STX8: variants seen among roughly 807,000 people sequenced by gnomAD.
The protein encoded by STX8 is syntaxin 8, also known as syntaxin-8.
A neutral mutation model predicts 37.5 loss-of-function variants in STX8; 23 were observed. The observed-to-expected ratio is 0.61, with a 90% CI of 0.44 to 0.87. The LOEUF (loss-of-function observed/expected upper bound fraction) is 0.87. Ranked by LOEUF, STX8 falls within the 40% of genes least tolerant of loss-of-function variation. The pLI, the probability that STX8 is intolerant of heterozygous loss-of-function variation, is 0.00. For missense variants in STX8, 313 were observed against 284.7 expected (o/e 1.10, Z -0.71); for synonymous variants, 115 against 99.1 (o/e 1.16, Z -0.95).
At chr17:9,527,534 G>A (rs1890369271) in intron 4 of STX8, among the ~76,000 whole-genome samples, 1 of 152,164 alleles carries the variant, frequency 6.6e-6, no homozygotes, top group Non-Finnish European at 1.5e-5. Context: ...TCAGAAACTG[G>A]AGTTTTCCTT....
At chr17:9,449,579 A>G (rs1296201771) in intron 6 of STX8, among the ~76,000 whole-genome samples, 1 of 152,036 alleles carries the variant, frequency 6.6e-6, no homozygotes, top group Admixed American at 6.5e-5. Flanking sequence ...ATAAACAAAC[A>G]AACAAATTGT....
At chr17:9,278,212 C>T (rs1907743948) in intron 7 of STX8, among the ~76,000 whole-genome samples, 2 of 152,128 alleles carry the variant, frequency 1.3e-5, no homozygotes, top group South Asian at 4.1e-4. Flanking sequence ...CTTTGGGAGG[C>T]CGAGGCAGGT....
intron 6 of STX8, among the ~76,000 whole-genome samples, chr17:9,389,463 A>G (rs967668794): frequency 1.3e-5 from 2 of 152,250 alleles, no homozygotes; most frequent in Non-Finnish European, 2.9e-5. Context: ...TGAGATATCG[A>G]GTGACATTCC....
At chr17:9,318,889 T>C (rs187726607) in intron 7 of STX8, among the ~76,000 whole-genome samples, 1 of 151,984 alleles carries the variant, frequency 6.6e-6, no homozygotes, top group Non-Finnish European at 1.5e-5. Context: ...AGGATAACAA[T>C]GAATAGAAAT....
At chr17:9,321,718 C>A (rs1054322827) in intron 7 of STX8, among the ~76,000 whole-genome samples, 8 of 152,072 alleles carry the variant, frequency 5.3e-5, no homozygotes, top group African/African-American at 1.7e-4. Flanking sequence ...CGGGGTTTCA[C>A]CATGTTGGCC....
intron 6 of STX8, among the ~76,000 whole-genome samples, chr17:9,455,368 C>T (rs1270972213): frequency 6.6e-6 from 1 of 151,990 alleles, no homozygotes; most frequent in African/African-American, 2.4e-5. Flanking sequence ...GGCATGGTGG[C>T]ACGCGCCTGT....
intron 1 of STX8, among the ~76,000 whole-genome samples, chr17:9,571,489 G>A (rs1306273941): frequency 6.7e-6 from 1 of 150,304 alleles, no homozygotes; most frequent in African/African-American, 2.4e-5. Context: ...TAATTGGGTC[G>A]GGGGGTGGCT....
chr17:9,315,182 A>C (rs1283874761), intron 7 of STX8, among the ~76,000 whole-genome samples: 1 of 151,968 alleles, frequency 6.6e-6, no homozygotes, highest in Non-Finnish European at 1.5e-5. Context: ...AAACAAAAAA[A>C]ACCTGAGTTC....
At chr17:9,445,876 CT>C (rs1328889543) in intron 6 of STX8, among the ~76,000 whole-genome samples, 6 of 129,522 alleles carry the variant, frequency 4.6e-5, no homozygotes, top group Non-Finnish European at 7.7e-5. Flanking sequence ...CTTGCTCTGT[CT>C]CCCAGGCTGG....
intron 6 of STX8, among the ~76,000 whole-genome samples, chr17:9,380,254 GTTTTTTTT>G (rs34806016): frequency 2.2e-5 from 2 of 89,446 alleles, no homozygotes; most frequent in African/African-American, 4.8e-5. Context: ...ATTTCTGTGT[GTTTTTTTT>G]TTTTTTTTTT....
intron 6 of STX8, among the ~76,000 whole-genome samples, chr17:9,395,850 TCCCAGATGA>T (rs1912382659): frequency 6.6e-6 from 1 of 152,198 alleles, no homozygotes. Flanking sequence ...CAATTAGTCC[TCCCAGATGA>T]CCCAGAATAT....
chr17:9,482,705 G>A (rs895878141), intron 6 of STX8, among the ~76,000 whole-genome samples: 10 of 152,178 alleles, frequency 6.6e-5, no homozygotes, highest in East Asian at 5.8e-4. Context: ...CCTGAGACCC[G>A]GAGTTCGAGA....
At chr17:9,285,752 T>G (rs758315641) in intron 7 of STX8, among the ~76,000 whole-genome samples, 1 of 152,246 alleles carries the variant, frequency 6.6e-6, no homozygotes, top group African/African-American at 2.4e-5. Context: ...AACTAGTACA[T>G]GTACCAATGC....
chr17:9,440,361 G>A (rs952229548), intron 6 of STX8, among the ~76,000 whole-genome samples: 4 of 151,922 alleles, frequency 2.6e-5, no homozygotes, highest in African/African-American at 9.7e-5. Flanking sequence ...CAAACCTGCC[G>A]ATTCCTCCTT....
intron 7 of STX8, among the ~76,000 whole-genome samples, chr17:9,265,821 A>G (rs762142900): frequency 3.7e-4 from 57 of 152,156 alleles, no homozygotes; most frequent in Non-Finnish European, 5.6e-4. Context: ...GGGGCGCTGG[A>G]GGGGGGCTTC....
chr17:9,473,689 G>C (rs889517319), intron 6 of STX8, among the ~76,000 whole-genome samples: 2 of 152,132 alleles, frequency 1.3e-5, no homozygotes, highest in Non-Finnish European at 2.9e-5. Flanking sequence ...ATTCTCAGTT[G>C]GTTGGATTCA....
At chr17:9,354,811 C>T (rs998989833) in intron 7 of STX8, among the ~76,000 whole-genome samples, 2 of 152,158 alleles carry the variant, frequency 1.3e-5, no homozygotes, top group Non-Finnish European at 2.9e-5. Context: ...TTAGCTCTAG[C>T]TCTCTATTCT....
At chr17:9,497,698 T>C (rs1904457899) in intron 5 of STX8, among the ~76,000 whole-genome samples, 1 of 152,176 alleles carries the variant, frequency 6.6e-6, no homozygotes, top group Non-Finnish European at 1.5e-5. Context: ...AGTCCCTGGA[T>C]TGAGTACAAG....
chr17:9,400,818 G>A (rs1912588924), intron 6 of STX8, among the ~76,000 whole-genome samples: 1 of 151,926 alleles, frequency 6.6e-6, no homozygotes, highest in South Asian at 2.1e-4. Flanking sequence ...TACAATCATG[G>A]ATTATCTAAC....
Sources: gnomAD v4.1 joint callset for allele counts (sites outside exome capture counted in the v4.1 genomes callset) on GRCh38, gnomAD v4.1.1 for gene constraint, MANE v1.5 for transcripts, NCBI Gene and HGNC (gene_info 2026-07-23, HGNC 2026-07-21) for gene names.